FAF1: variants seen among roughly 807,000 people sequenced by gnomAD.
FAF1 encodes Fas associated factor 1.
FAF1 carries 25 observed loss-of-function variants against 92.5 expected under a neutral mutation model. That is an observed-to-expected ratio of 0.27 (90% CI 0.20 to 0.38). FAF1 has a LOEUF of 0.38. FAF1 is among the 10% of genes least tolerant of loss of function. The probability of loss-of-function intolerance (pLI) is 1.00; values close to 1 mark genes in which losing one functional copy is unlikely to be tolerated. For synonymous variants in FAF1, 234 were observed against 273.2 expected (o/e 0.86, Z 1.42); for missense variants, 636 against 793.3 (o/e 0.80, Z 2.38).
chr1:50,684,301 G>C (rs952773934), intron 7 of FAF1, among the ~76,000 whole-genome samples: 1 of 121,982 alleles, frequency 8.2e-6, no homozygotes, highest in Non-Finnish European at 1.7e-5. Context: ...GAAGCAGAAA[G>C]AAACTACAGT....
intron 8 of FAF1, among the ~76,000 whole-genome samples, chr1:50,637,681 A>ATATGTGTG (rs1553123409): frequency 0.12 from 16,398 of 136,830 alleles, 1,035 homozygotes; most frequent in Middle Eastern, 0.27. Context: ...ACATATATAT[A>ATATGTGTG]TGTGTGTGTG....
intron 17 of FAF1, among the ~76,000 whole-genome samples, chr1:50,477,563 G>A (rs1401181923): frequency 3.9e-5 from 6 of 151,968 alleles, no homozygotes; most frequent in African/African-American, 1.2e-4. Context: ...GGTGTTCTGC[G>A]ACAGCAATGA....
intron 2 of FAF1, among the ~76,000 whole-genome samples, chr1:50,851,032 C>T (rs192134467): frequency 5.6e-4 from 84 of 151,196 alleles, no homozygotes; most frequent in Non-Finnish European, 8.5e-4. Context: ...AATATCAGTA[C>T]ACAGTGCATC....
intron 4 of FAF1, among the ~76,000 whole-genome samples, chr1:50,755,817 C>T (rs1660052757): frequency 6.6e-6 from 1 of 152,214 alleles, no homozygotes; most frequent in Non-Finnish European, 1.5e-5. Context: ...AGGCTTGGAG[C>T]TTGTACCCTC....
chr1:50,824,295 T>C (rs1476083034), intron 2 of FAF1, among the ~76,000 whole-genome samples: 1 of 152,124 alleles, frequency 6.6e-6, no homozygotes, highest in Non-Finnish European at 1.5e-5. Flanking sequence ...TCTCCTCCAT[T>C]ACGTGAGCTT....
intron 8 of FAF1, among the ~76,000 whole-genome samples, chr1:50,610,510 TTTAA>T (rs1419430171): frequency 2.0e-5 from 3 of 152,244 alleles, no homozygotes; most frequent in East Asian, 3.8e-4. Flanking sequence ...GTTGTTATTG[TTTAA>T]TTAGGCTGTA....
chr1:50,649,794 A>G (rs1451504501), intron 8 of FAF1, among the ~76,000 whole-genome samples: 2 of 151,256 alleles, frequency 1.3e-5, no homozygotes, highest in Non-Finnish European at 2.9e-5. Flanking sequence ...ACAAAAAAAA[A>G]AAAAAAAGAA....
At chr1:50,500,563 A>C (rs1646971781) in intron 15 of FAF1, among the ~76,000 whole-genome samples, 1 of 152,168 alleles carries the variant, frequency 6.6e-6, no homozygotes, top group South Asian at 2.1e-4. Context: ...AAGCTATAAT[A>C]CTTATAAAGG....
At chr1:50,550,318 T>C (rs934740472) in intron 13 of FAF1, among the ~76,000 whole-genome samples, 5 of 132,172 alleles carry the variant, frequency 3.8e-5, no homozygotes, top group African/African-American at 1.5e-4. Flanking sequence ...GCCCCTGCAC[T>C]CCAGCCTGGG....
chr1:50,501,446 C>T (rs1243639208), intron 15 of FAF1, among the ~76,000 whole-genome samples: 12 of 152,168 alleles, frequency 7.9e-5, no homozygotes, highest in East Asian at 1.9e-4. Context: ...AGGCGGATCA[C>T]GAGGTCAGGT....
intron 6 of FAF1, among the ~76,000 whole-genome samples, chr1:50,729,002 T>TTTATC (rs1169889770): frequency 8.7e-6 from 1 of 114,958 alleles, no homozygotes; most frequent in Non-Finnish European, 1.7e-5. Context: ...AAAGAAAACT[T>TTTATC]TATCTATCTA....
chr1:50,532,207 A>G (rs1244559607), intron 15 of FAF1, among the ~76,000 whole-genome samples: 1 of 152,154 alleles, frequency 6.6e-6, no homozygotes, highest in African/African-American at 2.4e-5. Context: ...CTTGCAATTA[A>G]ATTTCAATAA....
At chr1:50,477,123 T>G (rs1397518426) in intron 17 of FAF1, among the ~76,000 whole-genome samples, 1 of 152,196 alleles carries the variant, frequency 6.6e-6, no homozygotes, top group Non-Finnish European at 1.5e-5. Context: ...GCAGGTGAAT[T>G]TGGTTGGTTC....
At position 50,464,956 on chromosome 1, in the gene FAF1, T is replaced by C. The variant is rs77788102; in HGVS notation, c.1869+10508A>G. 3.1e-3 allele frequency among the ~76,000 whole-genome samples: 471 copies of C among 152,352 alleles called. 4 individuals are homozygous for C. Among genetic ancestry groups the C allele is most frequent in the African/African-American group, 0.011 (448 of 41,594 alleles). On this transcript the variant is annotated intron_variant, in intron 18 of 18. Coordinates refer to ENST00000396153, the MANE Select transcript of FAF1 (RefSeq NM_007051.3). Reference sequence around the variant, plus strand: ...ATACTTAGTCTAGGCATTGGTAACCTTTACATCCAATCATCTCTCCAATCT... The same window carrying C: ...ATACTTAGTCTAGGCATTGGTAACCCTTACATCCAATCATCTCTCCAATCT...
At chr1:50,929,661 A>T (rs1256538990) in intron 1 of FAF1, among the ~76,000 whole-genome samples, 3 of 152,228 alleles carry the variant, frequency 2.0e-5, no homozygotes, top group Non-Finnish European at 4.4e-5. Flanking sequence ...AAAACTGCCA[A>T]AAATATTCAT....
At chr1:50,620,231 C>A (rs997889699) in intron 8 of FAF1, among the ~76,000 whole-genome samples, 1 of 152,064 alleles carries the variant, frequency 6.6e-6, no homozygotes, top group Non-Finnish European at 1.5e-5. Context: ...TAACATAATC[C>A]CACATTTCTT....
At chr1:50,849,348 A>C (rs949559196) in intron 2 of FAF1, among the ~76,000 whole-genome samples, 2 of 150,886 alleles carry the variant, frequency 1.3e-5, no homozygotes, top group Non-Finnish European at 3.0e-5. Flanking sequence ...TGTTAACATT[A>C]GCAGAAGTTT....
In FAF1 at chr1:50,935,474, C is replaced by CT. The variant is rs112833489; in HGVS notation, c.45+24292dup. On this transcript the variant is annotated intron_variant, in intron 1 of 18. Transcript: ENST00000396153. ...TCACCCCTGGCCTGATTTACTCTCTCTTTTTTTTTTTTTTGAGATGGAGTC... is the reference window on the plus strand; with the variant it reads ...TCACCCCTGGCCTGATTTACTCTCTCTTTTTTTTTTTTTTTGAGATGGAGTC... Among the ~76,000 whole-genome samples, 341 of 139,388 alleles carry CT rather than the reference C, an allele frequency of 2.4e-3. 1 individual carries two copies. The highest frequency in any genetic ancestry group is 0.011 in the East Asian group (54 of 4,752). The allele number at this position is 139,388 out of a possible 152,430, so 91.4% of individuals were successfully genotyped here.
chr1:50,527,530 C>T (rs1200427025), intron 15 of FAF1, among the ~76,000 whole-genome samples: 3 of 152,094 alleles, frequency 2.0e-5, no homozygotes, highest in Non-Finnish European at 4.4e-5. Context: ...ACTCAGCTTG[C>T]AAAATAATCA....
Sources: gnomAD v4.1 joint callset for allele counts (sites outside exome capture counted in the v4.1 genomes callset) on GRCh38, gnomAD v4.1.1 for gene constraint, MANE v1.5 for transcripts, NCBI Gene and HGNC (gene_info 2026-07-23, HGNC 2026-07-21) for gene names.